Variants in DPH6 observed in about 807,000 individuals in gnomAD.
The protein encoded by DPH6 is diphthine--ammonia ligase.
A neutral mutation model predicts 38.2 loss-of-function variants in DPH6; 33 were observed. That is an observed-to-expected ratio of 0.86 (90% CI 0.65 to 1.15). DPH6 has a LOEUF of 1.15. Ranked by LOEUF, DPH6 falls within the 50% of genes most tolerant of loss-of-function variation. The probability of loss-of-function intolerance (pLI) is 0.00; values close to 1 mark genes in which losing one functional copy is unlikely to be tolerated. For missense variants in DPH6, 325 were observed against 320.0 expected (o/e 1.02, Z -0.12); for synonymous variants, 108 against 103.0 (o/e 1.05, Z -0.30).
chr15:35,438,949 G>C (rs2053750708), intron 5 of DPH6, among the ~76,000 whole-genome samples: 1 of 152,164 alleles, frequency 6.6e-6, no homozygotes, highest in Non-Finnish European at 1.5e-5. Flanking sequence ...AAGAAATTCT[G>C]TGTGTGAACA....
chr15:35,301,171 A>T (rs953878870), intron 3 of DPH6, among the ~76,000 whole-genome samples: 3 of 152,220 alleles, frequency 2.0e-5, no homozygotes, highest in Non-Finnish European at 4.4e-5. Flanking sequence ...GTATTACTCA[A>T]ACATTTCTTC....
chr15:35,192,735 T>C, the DPH6 span, among the ~76,000 whole-genome samples: 1 of 152,322 alleles, frequency 6.6e-6, no homozygotes, highest in East Asian at 1.9e-4. Context: ...TTGGTGAGAA[T>C]ATTGAATTTG....
chr15:35,353,719 C>T (rs1179897625), intron 3 of DPH6, among the ~76,000 whole-genome samples: 1 of 152,112 alleles, frequency 6.6e-6, no homozygotes, highest in African/African-American at 2.4e-5. Context: ...AGCGTGATGC[C>T]TCCAACTTTG....
At position 35,416,222 on chromosome 15, in the gene DPH6, G is replaced by A. The variant is rs533127843; in HGVS notation, c.506-5326C>T. On this transcript the variant is annotated intron_variant, in intron 5 of 8. Transcript: ENST00000256538. ...GCCGCATTCAAAGCCGTCCTGGGTC[G>A]CAGGTTGAATAAGCTTGTTTTAGAC... Among the ~76,000 whole-genome samples the A allele has an allele frequency of 2.6e-5, 4 of 152,110 alleles. No individual in the cohort carries two copies. In the East Asian group the frequency reaches 5.8e-4, roughly 22 times the overall value.
chr15:35,381,737 C>A, intron 7 of DPH6, 85 bp downstream of exon 7: 3 of 1,067,076 alleles, frequency 2.8e-6, no homozygotes, highest in South Asian at 1.3e-5. Context: ...TTTTTCCCAA[C>A]AAAAGTTGCC....
At chr15:35,444,866 T>C (rs2053831217) in intron 5 of DPH6, among the ~76,000 whole-genome samples, 1 of 138,166 alleles carries the variant, frequency 7.2e-6, no homozygotes, top group African/African-American at 2.5e-5. Context: ...TGGTATGATA[T>C]TAGTAATGGT....
chr15:35,420,018 G>A (rs377162884), intron 5 of DPH6, among the ~76,000 whole-genome samples: 3 of 152,220 alleles, frequency 2.0e-5, no homozygotes, highest in South Asian at 4.1e-4. Flanking sequence ...ACATTCTCCA[G>A]GAGAGATCAT....
intron 3 of DPH6, among the ~76,000 whole-genome samples, chr15:35,250,921 T>A (rs1464712886): frequency 2.6e-5 from 4 of 152,220 alleles, no homozygotes; most frequent in Admixed American, 6.5e-5. Context: ...TCCAATAAGT[T>A]ACTTACTGAG....
At chr15:35,200,177 G>T in the DPH6 span, among the ~76,000 whole-genome samples, 6 of 152,268 alleles carry the variant, frequency 3.9e-5, no homozygotes, top group African/African-American at 1.4e-4. Context: ...GATGATGAGA[G>T]AGAGTTTGGA....
chr15:35,411,357 C>T (rs1566900083), intron 5 of DPH6, among the ~76,000 whole-genome samples: 2 of 151,644 alleles, frequency 1.3e-5, no homozygotes, highest in South Asian at 2.1e-4. Flanking sequence ...GACTGTTATG[C>T]TTATGTAATT....
the DPH6 span, among the ~76,000 whole-genome samples, chr15:35,145,853 G>GTTT: frequency 6.6e-6 from 1 of 152,064 alleles, no homozygotes; most frequent in Non-Finnish European, 1.5e-5. Flanking sequence ...TATCTACATT[G>GTTT]TTTTGAGGCA....
chr15:35,432,170 CAT>C (rs1444170758), intron 5 of DPH6, among the ~76,000 whole-genome samples: 1 of 151,850 alleles, frequency 6.6e-6, no homozygotes, highest in Non-Finnish European at 1.5e-5. Flanking sequence ...TCCAGATAAA[CAT>C]AAAGCGTAGA....
chr15:35,358,570 G>A (rs2052587362), intron 3 of DPH6, among the ~76,000 whole-genome samples: 1 of 152,118 alleles, frequency 6.6e-6, no homozygotes, highest in Admixed American at 6.5e-5. Flanking sequence ...TTGTCCCATG[G>A]GGTGTTCCTT....
intron 3 of DPH6, among the ~76,000 whole-genome samples, chr15:35,532,004 G>C (rs1338477990): frequency 6.6e-6 from 1 of 152,130 alleles, no homozygotes; most frequent in Non-Finnish European, 1.5e-5. Flanking sequence ...ACAGAAAGGA[G>C]GAAGGTAAAT....
chr15:35,510,783 C>T (rs947998854), intron 3 of DPH6, among the ~76,000 whole-genome samples: 1 of 152,138 alleles, frequency 6.6e-6, no homozygotes, highest in African/African-American at 2.4e-5. Flanking sequence ...ATTAGGGAAG[C>T]TATATGTGAG....
intron 3 of DPH6, among the ~76,000 whole-genome samples, chr15:35,243,757 G>A (rs531278385): frequency 4.0e-5 from 6 of 151,724 alleles, no homozygotes; most frequent in East Asian, 1.9e-4. Flanking sequence ...GACTCAGCCC[G>A]CCTGCACCCA....
At chr15:35,334,730 A>C (rs1566872726) in intron 3 of DPH6, among the ~76,000 whole-genome samples, 1 of 152,186 alleles carries the variant, frequency 6.6e-6, no homozygotes, top group Non-Finnish European at 1.5e-5. Flanking sequence ...TGCAAAGGAC[A>C]AGATTTTGTT....
chr15:35,352,609 CTCA>C (rs1235508393), intron 3 of DPH6, among the ~76,000 whole-genome samples: 2 of 152,176 alleles, frequency 1.3e-5, no homozygotes, highest in African/African-American at 4.8e-5. Flanking sequence ...AGGACATGAA[CTCA>C]TCATTTTTTA....
downstream of DPH6, among the ~76,000 whole-genome samples, chr15:35,329,620 T>A (rs919796589): frequency 2.0e-5 from 3 of 152,046 alleles, no homozygotes; most frequent in Non-Finnish European, 2.9e-5. Context: ...GAACTGCTGG[T>A]AGAGTTCAAG....
Sources: allele counts gnomAD v4.1 joint callset (sites outside exome capture counted in the v4.1 genomes callset), GRCh38; gene constraint gnomAD v4.1.1; transcripts MANE v1.5; gene names NCBI Gene and HGNC (gene_info 2026-07-23, HGNC 2026-07-21).